CRTAM: variants seen among roughly 807,000 people sequenced by gnomAD.
CRTAM encodes cytotoxic and regulatory T-cell molecule.
Under a neutral mutation model 50.0 loss-of-function variants are expected in CRTAM, and 44 were observed. The observed-to-expected ratio is 0.88, with a 90% CI of 0.69 to 1.13. CRTAM has a LOEUF of 1.13. CRTAM is among the 50% of genes most tolerant of loss of function. The probability of loss-of-function intolerance (pLI) is 0.00; values close to 1 mark genes in which losing one functional copy is unlikely to be tolerated. For synonymous variants in CRTAM, 159 were observed against 169.3 expected, an observed-to-expected ratio of 0.94 and a Z score of 0.47; for missense variants, 448 against 457.5, an observed-to-expected ratio of 0.98 and a Z score of 0.19.
chr11:122,839,821 G>A (rs1383276151), intron 1 of CRTAM, among the ~76,000 whole-genome samples: 1 of 152,110 alleles, frequency 6.6e-6, no homozygotes, highest in Non-Finnish European at 1.5e-5. Context: ...GGCATCTGAA[G>A]GACGCTACTT....
intron 5 of CRTAM, among the ~76,000 whole-genome samples, chr11:122,861,305 A>G (rs535478671): frequency 4.0e-5 from 6 of 148,448 alleles, no homozygotes; most frequent in African/African-American, 1.5e-4. Flanking sequence ...ACCAAGAAGC[A>G]CTCACAAATT....
intron 2 of CRTAM, 141 bp downstream of exon 2, chr11:122,850,355 G>T (rs1001546067): frequency 8.0e-6 from 6 of 752,906 alleles, no homozygotes; most frequent in African/African-American, 1.7e-5. Context: ...CATGAATCAC[G>T]CCTCCAAATC....
At position 122,851,809 on chromosome 11, in the gene CRTAM, T is replaced by A. The variant is rs748020047; in HGVS notation, c.310T>A (p.Ser104Thr). 6.2e-7 allele frequency: 1 copy of A among 1,614,148 alleles called. No homozygotes were observed. The highest frequency in any genetic ancestry group is 8.5e-7 in the Non-Finnish European group (1 of 1,179,986). The change falls in exon 3 of 10, where the codon TCT (serine) becomes ACT (threonine). Residue 104 changes from serine to threonine, a missense_variant. Coordinates refer to ENST00000227348, the MANE Select transcript of CRTAM (RefSeq NM_019604.4). The stretch of plus-strand genomic sequence containing the variant: ...GTACAAGTGCTTACATTACAGCGAC[T>A]CTGTAAGCACAAAGGAAGTGAAAGT... Reference protein sequence around the residue: ...GVYKCLHYSDSVSTKEVKVIV... With the variant: ...GVYKCLHYSDTVSTKEVKVIV...
chr11:122,860,199 C>T (rs908003596), intron 5 of CRTAM, among the ~76,000 whole-genome samples: 3 of 152,092 alleles, frequency 2.0e-5, no homozygotes, highest in Admixed American at 6.6e-5. Flanking sequence ...AGGTGCCCAC[C>T]ACCATGCCCA....
chr11:122,848,948 T>C (rs1254370931), intron 1 of CRTAM, among the ~76,000 whole-genome samples: 8 of 152,196 alleles, frequency 5.3e-5, no homozygotes, highest in Admixed American at 4.6e-4. Flanking sequence ...ATCAATTTCT[T>C]TTTTTGGGGA....
At position 122,872,496 on chromosome 11, in the gene CRTAM, T is replaced by C. The variant is rs55783424; in HGVS notation, c.*1097T>C. The C allele has an allele frequency of 0.41, 62,824 of 152,576 alleles. 15,693 individuals are homozygous for C. The highest frequency in any genetic ancestry group is 0.58 in the Middle Eastern group (171 of 294). The allele number at this position is 152,576 out of a possible 1,614,324, so 9.5% of individuals were successfully genotyped here. A position where few individuals can be genotyped will look rare whatever the true frequency, so the allele number is the denominator to read the frequency against. ...TTGTTTTTCTAGTGGTTATACCAAG[T>C]TATACTTCCTGTTTTCACGTGTGAA... On this transcript the variant is annotated 3_prime_UTR_variant, in exon 10 of 10. Coordinates refer to ENST00000227348, the MANE Select transcript of CRTAM (RefSeq NM_019604.4).
At chr11:122,842,065 A>G (rs1861805735) in intron 1 of CRTAM, among the ~76,000 whole-genome samples, 2 of 152,190 alleles carry the variant, frequency 1.3e-5, no homozygotes, top group African/African-American at 4.8e-5. Context: ...GAAAAAGACA[A>G]ACTATCTTCT....
chr11:122,867,452 C>T lies in CRTAM; in HGVS notation c.861C>T (p.Gly287=), dbSNP rs567080622. The change falls in exon 8 of 10, where the codon GGC becomes GGT. Residue 287 remains glycine (G), a synonymous_variant. Coordinates refer to ENST00000227348, the MANE Select transcript of CRTAM (RefSeq NM_019604.4). ...QYLGLARKKS[G]ILLLTLVSFL... is the part of the protein sequence containing the mutation. ...TAGGACTGGCAAGAAAGAAAAGTGGCATCCTGCTGCTCACGCTGGTGTCCT... is the reference window on the plus strand; with the variant it reads ...TAGGACTGGCAAGAAAGAAAAGTGGTATCCTGCTGCTCACGCTGGTGTCCT... 1.2e-6 allele frequency: 2 copies of T among 1,613,898 alleles called. No homozygotes were observed. Among genetic ancestry groups the T allele is most frequent in the African/African-American group, 1.3e-5 (1 of 74,974 alleles).
intron 5 of CRTAM, among the ~76,000 whole-genome samples, chr11:122,861,426 T>A (rs1249133455): frequency 1.1e-4 from 6 of 56,374 alleles, no homozygotes; most frequent in East Asian, 6.9e-4. Flanking sequence ...ATATATTTTT[T>A]TTTTTTTTTT....
intron 1 of CRTAM, among the ~76,000 whole-genome samples, chr11:122,848,593 C>G (rs921440365): frequency 6.6e-6 from 1 of 152,198 alleles, no homozygotes; most frequent in Non-Finnish European, 1.5e-5. Flanking sequence ...AGGCTAGATT[C>G]AAATTAATGA....
intron 1 of CRTAM, among the ~76,000 whole-genome samples, chr11:122,847,160 TA>T (rs1352122349): frequency 6.6e-6 from 1 of 152,230 alleles, no homozygotes; most frequent in Non-Finnish European, 1.5e-5. Flanking sequence ...TTCCTGTTTT[TA>T]TGGTAAGGAA....
In CRTAM at chr11:122,850,163, C is replaced by A. The variant is rs1255316986; in HGVS notation, c.142C>A (p.Leu48Ile). 1 of 1,613,620 alleles carries A rather than the reference C, an allele frequency of 6.2e-7. No homozygotes were observed. Among genetic ancestry groups the A allele is most frequent in the East Asian group, 2.2e-5 (1 of 44,878 alleles). The part of the protein sequence containing the change: ...CVTSLRKNSS[L>I]QWLTPSGFTI... The stretch of plus-strand genomic sequence containing the variant: ...CACTTCTCTGAGGAAGAACTCCTCC[C>A]TCCAGTGGCTGACCCCCTCAGGGTT... Residue 48 changes from leucine to isoleucine, a missense_variant, in exon 2 of 10, where the codon CTC becomes ATC. Transcript: ENST00000227348.
Position 122,839,440 on chromosome 11 carries a change from A to C in CRTAM, c.46+848A>C, listed in dbSNP as rs188770104. ...TGCAACACTTATTTAGCTCAGAGGT[A>C]ATAATGAGACCAATGAAAACTTCGT... On this transcript the variant is annotated intron_variant, in intron 1 of 9. Transcript: ENST00000227348. 2.0e-4 allele frequency among the ~76,000 whole-genome samples: 31 copies of C among 152,364 alleles called. 1 individual carries two copies. Among genetic ancestry groups the C allele is most frequent in the Admixed American group, 1.6e-3 (25 of 15,306 alleles).
intron 5 of CRTAM, 128 bp downstream of exon 5, chr11:122,855,984 G>A (rs1487150400): frequency 9.4e-6 from 7 of 741,900 alleles, no homozygotes; most frequent in Non-Finnish European, 1.5e-5. Context: ...TTTCCTAATA[G>A]CAAATTCCTG....
intron 7 of CRTAM, among the ~76,000 whole-genome samples, chr11:122,867,040 G>T (rs1031190657): frequency 9.2e-5 from 14 of 152,048 alleles, no homozygotes; most frequent in African/African-American, 3.4e-4. Flanking sequence ...AATCCCTCTT[G>T]CTACTTAACT....
At chr11:122,841,404 AT>A (rs35383058) in intron 1 of CRTAM, among the ~76,000 whole-genome samples, 105 of 143,328 alleles carry the variant, frequency 7.3e-4, no homozygotes, top group Middle Eastern at 3.6e-3. Flanking sequence ...CTTTTACTCT[AT>A]TTTTTTTTTT....
chr11:122,854,213 T>C, intron 4 of CRTAM, 127 bp downstream of exon 4: 1 of 885,096 alleles, frequency 1.1e-6, no homozygotes, highest in Non-Finnish European at 1.7e-6. Context: ...ATCAGCTCTT[T>C]TCCAGACAAG....
intron 4 of CRTAM, 122 bp downstream of exon 4, chr11:122,854,208 C>A: frequency 1.1e-6 from 1 of 930,952 alleles, no homozygotes; most frequent in Non-Finnish European, 1.6e-6. Context: ...ATTTCATCAG[C>A]TCTTTTCCAG....
chr11:122,844,172 TTAGTG>T (rs1861833095), intron 1 of CRTAM, among the ~76,000 whole-genome samples: 1 of 152,226 alleles, frequency 6.6e-6, no homozygotes, highest in South Asian at 2.1e-4. Flanking sequence ...ATACAGTACT[TTAGTG>T]TATAATAAAA....
Sources: gnomAD v4.1 joint callset for allele counts (sites outside exome capture counted in the v4.1 genomes callset) on GRCh38, gnomAD v4.1.1 for gene constraint, MANE v1.5 for transcripts, NCBI Gene and HGNC (gene_info 2026-07-23, HGNC 2026-07-21) for gene names.